Variants in PREX1 observed in about 807,000 individuals in gnomAD.
PREX1 encodes the protein phosphatidylinositol 3,4,5-trisphosphate-dependent Rac exchanger 1 protein.
Under a neutral mutation model 198.3 loss-of-function variants are expected in PREX1, and 41 were observed. The observed-to-expected ratio is 0.21, with a 90% CI of 0.16 to 0.27. PREX1 has a LOEUF of 0.27. Among genes scored for constraint, PREX1 ranks in the 10% least tolerant of loss-of-function variants. The pLI is 1.00. For missense variants in PREX1, 1,620 were observed against 2,200.7 expected, an observed-to-expected ratio of 0.74 and a Z score of 5.28; for synonymous variants, 843 against 887.2, an observed-to-expected ratio of 0.95 and a Z score of 0.89.
intron 5 of PREX1, among the ~76,000 whole-genome samples, chr20:48,724,194 C>G (rs1027054656): frequency 2.6e-5 from 4 of 152,118 alleles, no homozygotes; most frequent in African/African-American, 9.7e-5. Context: ...TCAGAATGCC[C>G]GGGTTCTAAT....
intron 10 of PREX1, among the ~76,000 whole-genome samples, chr20:48,688,124 T>C (rs1206778962): frequency 6.6e-6 from 1 of 152,068 alleles, no homozygotes; most frequent in African/African-American, 2.4e-5. Flanking sequence ...GGGGCCTACC[T>C]TTATTCTTCC....
chr20:48,863,239 C>T, the PREX1 span, among the ~76,000 whole-genome samples: 32,547 of 152,036 alleles, frequency 0.21, 3,815 homozygotes, highest in African/African-American at 0.31. Context: ...ATTATTAACA[C>T]CTTGTATTAG....
At chr20:48,661,190 A>G (rs2089587984) in intron 15 of PREX1, among the ~76,000 whole-genome samples, 1 of 151,826 alleles carries the variant, frequency 6.6e-6, no homozygotes, top group Non-Finnish European at 1.5e-5. Context: ...AGGTCGAGGC[A>G]GGCAGATTAC....
the PREX1 span, among the ~76,000 whole-genome samples, chr20:48,861,091 T>A: frequency 6.6e-6 from 1 of 152,142 alleles, no homozygotes; most frequent in Non-Finnish European, 1.5e-5. Flanking sequence ...AGCATTGCAG[T>A]CACACCCAGC....
chr20:48,700,518 C>T (rs1362428098), intron 7 of PREX1, among the ~76,000 whole-genome samples: 1 of 152,142 alleles, frequency 6.6e-6, no homozygotes, highest in African/African-American at 2.4e-5. Flanking sequence ...ATTAGGTTAA[C>T]TAAAATATAT....
At position 48,782,872 on chromosome 20, in the gene PREX1, C is replaced by T. The variant is rs531252409; in HGVS notation, c.220-34992G>A. On this transcript the variant is annotated intron_variant, in intron 1 of 39. Coordinates refer to ENST00000371941, the MANE Select transcript of PREX1 (RefSeq NM_020820.4). The stretch of plus-strand genomic sequence containing the variant: ...TCACAAGGGAGAAGAAGTGAACAGG[C>T]GAGTGTCATAGTCTAAGGTGGGGTT... 5.3e-5 allele frequency among the ~76,000 whole-genome samples: 8 copies of T among 152,194 alleles called. No individual in the cohort carries two copies. The East Asian group carries it at 9.6e-4, about 18-fold the overall frequency.
intron 24 of PREX1, 97 bp from the exon 25 acceptor site, chr20:48,649,673 G>A: frequency 1.4e-6 from 2 of 1,379,736 alleles, no homozygotes; most frequent in Admixed American, 2.7e-5. Context: ...GGATCCCAAT[G>A]AAGGAGAAAA....
chr20:48,723,790 G>T (rs759862079), intron 5 of PREX1, among the ~76,000 whole-genome samples: 13 of 152,176 alleles, frequency 8.5e-5, no homozygotes, highest in Non-Finnish European at 1.3e-4. Context: ...GGCCCCTGGG[G>T]AGATGGGAAC....
intron 25 of PREX1, 75 bp from the exon 26 acceptor site, chr20:48,646,132 C>T: frequency 6.8e-7 from 1 of 1,475,224 alleles, no homozygotes; most frequent in Middle Eastern, 1.7e-4. Flanking sequence ...ATCCCACCAG[C>T]AGCTGCAGGT....
the PREX1 span, among the ~76,000 whole-genome samples, chr20:48,833,123 C>T: frequency 6.6e-6 from 1 of 152,160 alleles, no homozygotes; most frequent in Non-Finnish European, 1.5e-5. Flanking sequence ...TACCTCACAG[C>T]GTTGTTGTGC....
chr20:48,874,267 G>A, the PREX1 span, among the ~76,000 whole-genome samples: 1 of 151,992 alleles, frequency 6.6e-6, no homozygotes, highest in Non-Finnish European at 1.5e-5. Context: ...AAATTCTTTT[G>A]ATTTACAGTG....
At chr20:48,643,513 T>C (rs2089429363) in intron 27 of PREX1, among the ~76,000 whole-genome samples, 2 of 151,866 alleles carry the variant, frequency 1.3e-5, no homozygotes, top group South Asian at 4.2e-4. Context: ...TATGATCTAA[T>C]TTATAAAATA....
intron 1 of PREX1, among the ~76,000 whole-genome samples, chr20:48,798,289 T>G (rs2090371812): frequency 6.6e-6 from 1 of 152,164 alleles, no homozygotes; most frequent in Admixed American, 6.5e-5. Flanking sequence ...ATCCACCTCC[T>G]GGTCCAAGCC....
intron 1 of PREX1, among the ~76,000 whole-genome samples, chr20:48,825,480 G>T (rs2090504856): frequency 6.6e-6 from 1 of 152,148 alleles, no homozygotes. Flanking sequence ...GAGATAATGT[G>T]AAAGTAGAGA....
intron 1 of PREX1, among the ~76,000 whole-genome samples, chr20:48,819,079 C>G (rs1224509609): frequency 6.6e-6 from 1 of 152,188 alleles, no homozygotes; most frequent in Non-Finnish European, 1.5e-5. Context: ...ACACCCATTC[C>G]TCTCTGAGAC....
intron 30 of PREX1, among the ~76,000 whole-genome samples, chr20:48,638,633 C>G (rs188784898): frequency 4.0e-4 from 61 of 152,054 alleles, no homozygotes; most frequent in African/African-American, 1.5e-3. Flanking sequence ...GGACTCACCA[C>G]GCCAGGCACC....
At chr20:48,846,014 A>G in the PREX1 span, among the ~76,000 whole-genome samples, 1 of 152,202 alleles carries the variant, frequency 6.6e-6, no homozygotes, top group Non-Finnish European at 1.5e-5. Context: ...TTGATAGTAG[A>G]TACTGTGTGC....
At position 48,632,622 on chromosome 20, in the gene PREX1, G is replaced by A. The variant is rs772185752; in HGVS notation, c.4285C>T (p.His1429Tyr). 5 of 1,613,880 alleles carry A rather than the reference G, an allele frequency of 3.1e-6. No homozygotes were observed. In the African/African-American group the frequency reaches 4.0e-5, roughly 13 times the overall value. The part of the protein sequence containing the change: ...NYVANTNVFY[H>Y]IEGSRQALKV... ...AGCGCCTGCCGGCTGCCCTCAATGT[G>A]GTAGAAGACGTTGGTGTCTGCGGAA... Residue 1429 changes from histidine (H) to tyrosine (Y), a missense_variant, in exon 34 of 40, where the codon CAC becomes TAC. Physicochemically the swap from His to Tyr is moderately conservative, Grantham distance 83. Transcript: ENST00000371941.
intron 1 of PREX1, among the ~76,000 whole-genome samples, chr20:48,796,193 T>A (rs2090361558): frequency 6.6e-6 from 1 of 151,596 alleles, no homozygotes; most frequent in African/African-American, 2.4e-5. Flanking sequence ...TTCCCAGAAA[T>A]GAATAAACTT....
Sources: allele counts gnomAD v4.1 joint callset (sites outside exome capture counted in the v4.1 genomes callset), GRCh38; gene constraint gnomAD v4.1.1; transcripts MANE v1.5; gene names NCBI Gene and HGNC (gene_info 2026-07-23, HGNC 2026-07-21).